Variants in RBFOX1 observed in about 807,000 individuals in gnomAD.
The protein encoded by RBFOX1 is RNA binding protein fox-1 homolog 1.
A neutral mutation model predicts 57.7 loss-of-function variants in RBFOX1; 8 were observed. The ratio of observed to expected loss-of-function variants is 0.14; its 90% confidence interval spans 0.08 to 0.25. The LOEUF (loss-of-function observed/expected upper bound fraction) is 0.25. Among genes scored for constraint, RBFOX1 ranks in the 10% least tolerant of loss-of-function variants. RBFOX1 has a pLI of 1.00. For missense variants in RBFOX1, 611 were observed against 548.5 expected (o/e 1.11, Z -1.14); for synonymous variants, 326 against 222.4 (o/e 1.47, Z -4.15).
intron 3 of RBFOX1, among the ~76,000 whole-genome samples, chr16:6,867,918 A>G (rs775499794): frequency 2.0e-5 from 3 of 152,154 alleles, no homozygotes; most frequent in Non-Finnish European, 4.4e-5. Flanking sequence ...AGAGTAATCA[A>G]ATATAGAAGC....
At chr16:7,069,232 G>T (rs1482002739) in intron 4 of RBFOX1, among the ~76,000 whole-genome samples, 1 of 152,014 alleles carries the variant, frequency 6.6e-6, no homozygotes, top group Non-Finnish European at 1.5e-5. Context: ...ACATGTGCAG[G>T]ATGTGCAGGT....
chr16:6,966,427 G>C (rs1159277481), intron 3 of RBFOX1, among the ~76,000 whole-genome samples: 1 of 152,144 alleles, frequency 6.6e-6, no homozygotes. Context: ...GGGTCTTCCA[G>C]AGGTCCCTGG....
chr16:7,442,426 C>G (rs954008341), intron 4 of RBFOX1, among the ~76,000 whole-genome samples: 1 of 152,246 alleles, frequency 6.6e-6, no homozygotes. Context: ...ACTCTGTGAA[C>G]AGACCTGCAT....
chr16:7,124,597 G>A (rs1038623719), intron 4 of RBFOX1, among the ~76,000 whole-genome samples: 2 of 128,244 alleles, frequency 1.6e-5, no homozygotes, highest in East Asian at 2.6e-4. Flanking sequence ...AATAAGTTGT[G>A]AGTTTTCTCA....
intron 2 of RBFOX1, among the ~76,000 whole-genome samples, chr16:6,514,263 G>C (rs1267549114): frequency 6.6e-6 from 1 of 152,082 alleles, no homozygotes; most frequent in Non-Finnish European, 1.5e-5. Context: ...ACACGTACAC[G>C]GGCAATCCTT....
intron 4 of RBFOX1, among the ~76,000 whole-genome samples, chr16:7,482,119 CCTG>C (rs1037638786): frequency 1.3e-5 from 2 of 152,202 alleles, no homozygotes; most frequent in Admixed American, 6.5e-5. Context: ...AACAAGTCCT[CCTG>C]CTCTATAGTC....
chr16:5,797,969 TTC>T (rs1273746741), intron 3 of RBFOX1, among the ~76,000 whole-genome samples: 2 of 152,208 alleles, frequency 1.3e-5, no homozygotes, highest in African/African-American at 4.8e-5. Context: ...GCATCATTTA[TTC>T]TTTCAAACAG....
chr16:7,230,844 G>A (rs185265940), intron 4 of RBFOX1, among the ~76,000 whole-genome samples: 1 of 152,302 alleles, frequency 6.6e-6, no homozygotes, highest in African/African-American at 2.4e-5. Flanking sequence ...TGATACTGCA[G>A]AGGGCAGCTC....
chr16:6,528,687 G>A (rs1345361521), intron 2 of RBFOX1, among the ~76,000 whole-genome samples: 1 of 152,184 alleles, frequency 6.6e-6, no homozygotes, highest in Non-Finnish European at 1.5e-5. Flanking sequence ...GAGTAGGGCA[G>A]AGTTTCTCAA....
intron 3 of RBFOX1, among the ~76,000 whole-genome samples, chr16:6,974,334 T>C (rs909750577): frequency 9.1e-4 from 124 of 135,690 alleles, no homozygotes; most frequent in Non-Finnish European, 1.5e-3. Context: ...TTTTTTCTTT[T>C]TCTTTTTTTT....
intron 2 of RBFOX1, among the ~76,000 whole-genome samples, chr16:6,520,759 TC>T (rs1368141663): frequency 2.0e-5 from 3 of 152,140 alleles, no homozygotes; most frequent in Non-Finnish European, 4.4e-5. Context: ...CAAGTGCCAG[TC>T]CCTTGATTTG....
At chr16:6,761,653 C>T (rs1191655582) in intron 3 of RBFOX1, among the ~76,000 whole-genome samples, 2 of 151,626 alleles carry the variant, frequency 1.3e-5, no homozygotes, top group Non-Finnish European at 2.9e-5. Flanking sequence ...ATTACAGGTG[C>T]TCGCCACCAT....
chr16:7,651,374 C>T (rs1431738977), intron 11 of RBFOX1, among the ~76,000 whole-genome samples: 1 of 152,194 alleles, frequency 6.6e-6, no homozygotes, highest in East Asian at 1.9e-4. Flanking sequence ...CAAACATACC[C>T]TATCTATGGG....
intron 4 of RBFOX1, among the ~76,000 whole-genome samples, chr16:7,078,440 C>T (rs557183751): frequency 7.2e-5 from 11 of 152,094 alleles, no homozygotes; most frequent in African/African-American, 2.2e-4. Flanking sequence ...CTCCGCCTCC[C>T]GGATTCAAGC....
intron 3 of RBFOX1, among the ~76,000 whole-genome samples, chr16:6,859,621 G>A (rs1482260498): frequency 6.6e-6 from 1 of 152,052 alleles, no homozygotes; most frequent in Admixed American, 6.5e-5. Context: ...CCGCCTCTCT[G>A]TGTCGATAAC....
chr16:5,350,270 A>G (rs2065233746), intron 1 of RBFOX1, among the ~76,000 whole-genome samples: 1 of 152,136 alleles, frequency 6.6e-6, no homozygotes, highest in African/African-American at 2.4e-5. Context: ...CAAGAAGCTC[A>G]TGATTTTGGA....
At chr16:7,326,810 C>A (rs1208737116) in intron 4 of RBFOX1, among the ~76,000 whole-genome samples, 1 of 151,970 alleles carries the variant, frequency 6.6e-6, no homozygotes, top group African/African-American at 2.4e-5. Context: ...GTTGTGATGC[C>A]CTCAGGTCAC....
chr16:7,507,035 A>G (rs1478679569), intron 4 of RBFOX1, among the ~76,000 whole-genome samples: 1 of 152,182 alleles, frequency 6.6e-6, no homozygotes. Flanking sequence ...GAAGAATAAT[A>G]TATATTACTA....
intron 1 of RBFOX1, among the ~76,000 whole-genome samples, chr16:6,174,462 G>T (rs749869916): frequency 6.6e-6 from 1 of 152,138 alleles, no homozygotes; most frequent in Non-Finnish European, 1.5e-5. Context: ...GGGCATGGAG[G>T]TGCGTGCCTG....
Sources: gnomAD v4.1 joint callset for allele counts (sites outside exome capture counted in the v4.1 genomes callset) on GRCh38, gnomAD v4.1.1 for gene constraint, MANE v1.5 for transcripts, NCBI Gene and HGNC (gene_info 2026-07-23, HGNC 2026-07-21) for gene names.